SMYD3: variants seen among roughly 807,000 people sequenced by gnomAD.
SMYD3 encodes histone-lysine N-methyltransferase SMYD3.
In SMYD3, 36 loss-of-function variants were observed where a neutral mutation model predicts 57.7. The observed-to-expected ratio is 0.62, with a 90% CI of 0.48 to 0.82. The LOEUF is 0.82. SMYD3 is among the 40% of genes least tolerant of loss of function. The pLI, the probability that SMYD3 is intolerant of heterozygous loss-of-function variation, is 0.00. For missense variants in SMYD3, 515 were observed against 538.8 expected, an observed-to-expected ratio of 0.96 and a Z score of 0.44; for synonymous variants, 211 against 195.0, an observed-to-expected ratio of 1.08 and a Z score of -0.68.
chr1:245,786,145 C>G (rs1228924957), intron 10 of SMYD3, among the ~76,000 whole-genome samples: 1 of 118,298 alleles, frequency 8.5e-6, no homozygotes, highest in East Asian at 3.1e-4. Context: ...TACCTAAAAA[C>G]TTACCATGAT....
intron 1 of SMYD3, among the ~76,000 whole-genome samples, chr1:246,463,833 C>CAA (rs35826530): frequency 0.38 from 26,498 of 70,614 alleles, 5,217 homozygotes; most frequent in Middle Eastern, 0.48. Context: ...GACCCCGTCT[C>CAA]AAAAAAAAAA....
chr1:245,774,181 G>A (rs1480866939), intron 10 of SMYD3, among the ~76,000 whole-genome samples: 1 of 152,194 alleles, frequency 6.6e-6, no homozygotes, highest in Non-Finnish European at 1.5e-5. Flanking sequence ...CTGAACTGCT[G>A]GTCTGCTGGA....
chr1:245,984,455 G>T (rs898227137), intron 5 of SMYD3, among the ~76,000 whole-genome samples: 5 of 152,294 alleles, frequency 3.3e-5, no homozygotes, highest in African/African-American at 1.2e-4. Flanking sequence ...CTGTGCAAGG[G>T]CATGTGCACT....
chr1:246,378,726 T>TATATATAATTATATATAAA (rs58702520), intron 1 of SMYD3, among the ~76,000 whole-genome samples: 1 of 89,862 alleles, frequency 1.1e-5, no homozygotes, highest in African/African-American at 4.7e-5. Context: ...TATAATATAT[T>TATATATAATTATATATAAA]ATATATTATA....
intron 5 of SMYD3, among the ~76,000 whole-genome samples, chr1:246,269,245 C>G (rs745471831): frequency 2.4e-4 from 36 of 152,090 alleles, no homozygotes; most frequent in Non-Finnish European, 4.1e-4. Context: ...GTTAGTAGAT[C>G]GACTAACAAC....
intron 7 of SMYD3, among the ~76,000 whole-genome samples, chr1:245,921,230 A>G (rs1469486325): frequency 1.3e-5 from 2 of 152,170 alleles, no homozygotes; most frequent in African/African-American, 4.8e-5. Context: ...ACAACGAGAA[A>G]CCATCTTACA....
rs147554385 is a variant in SMYD3 at position 246,070,759 on chromosome 1, T to C, written c.532-140822A>G. 1.1e-3 allele frequency among the ~76,000 whole-genome samples: 171 copies of C among 152,346 alleles called. 2 individuals are homozygous for C. Among genetic ancestry groups the C allele is most frequent in the African/African-American group, 4.0e-3 (167 of 41,588 alleles). Reference sequence around the variant, plus strand: ...CAGTCCTACTGGAGGATGGTTTTAATGGCATGCACCTTTTATCGCCTGCAA... The same window carrying C: ...CAGTCCTACTGGAGGATGGTTTTAACGGCATGCACCTTTTATCGCCTGCAA... On this transcript the variant is annotated intron_variant, in intron 5 of 11. Coordinates refer to ENST00000490107, the MANE Select transcript of SMYD3 (RefSeq NM_001167740.2).
chr1:246,205,600 T>C (rs1326284159), intron 5 of SMYD3, among the ~76,000 whole-genome samples: 1 of 151,700 alleles, frequency 6.6e-6, no homozygotes, highest in East Asian at 1.9e-4. Context: ...GGCAGACAGA[T>C]CGTGAGGTCA....
At chr1:246,100,018 T>C (rs1206195974) in intron 5 of SMYD3, among the ~76,000 whole-genome samples, 1 of 152,206 alleles carries the variant, frequency 6.6e-6, no homozygotes, top group Non-Finnish European at 1.5e-5. Context: ...ATCTAATATA[T>C]TCACTCTTCT....
intron 1 of SMYD3, among the ~76,000 whole-genome samples, chr1:246,502,208 C>T (rs886522470): frequency 1.3e-5 from 2 of 151,472 alleles, no homozygotes; most frequent in Non-Finnish European, 2.9e-5. Flanking sequence ...GCGTGATCAC[C>T]ACTCACTGCA....
At chr1:245,997,999 A>G (rs1456225619) in intron 5 of SMYD3, among the ~76,000 whole-genome samples, 1 of 152,186 alleles carries the variant, frequency 6.6e-6, no homozygotes, top group Non-Finnish European at 1.5e-5. Flanking sequence ...GCTGGACAAT[A>G]ACACAGTCTG....
At chr1:246,430,414 T>G (rs1056971242) in intron 1 of SMYD3, among the ~76,000 whole-genome samples, 1 of 152,168 alleles carries the variant, frequency 6.6e-6, no homozygotes, top group Non-Finnish European at 1.5e-5. Flanking sequence ...ATCACAGTAG[T>G]AGAAATCAAG....
At chr1:246,373,190 T>G (rs1183203581) in intron 1 of SMYD3, among the ~76,000 whole-genome samples, 1 of 152,172 alleles carries the variant, frequency 6.6e-6, no homozygotes. Flanking sequence ...CCTCCTTTTA[T>G]TTTTTCCATT....
At chr1:246,082,497 T>C (rs1264110117) in intron 5 of SMYD3, among the ~76,000 whole-genome samples, 1 of 152,114 alleles carries the variant, frequency 6.6e-6, no homozygotes, top group Non-Finnish European at 1.5e-5. Flanking sequence ...CCTATGATTT[T>C]ATCCACAACC....
At chr1:245,978,823 C>T (rs2058520740) in intron 5 of SMYD3, among the ~76,000 whole-genome samples, 1 of 152,126 alleles carries the variant, frequency 6.6e-6, no homozygotes, top group Non-Finnish European at 1.5e-5. Context: ...TTGTTCCCTC[C>T]AACACTACGA....
At chr1:245,888,537 G>A (rs1180547465) in intron 8 of SMYD3, among the ~76,000 whole-genome samples, 2 of 152,108 alleles carry the variant, frequency 1.3e-5, no homozygotes, top group East Asian at 1.9e-4. Context: ...TTTCTGGGCC[G>A]GATTGTCCAG....
intron 5 of SMYD3, among the ~76,000 whole-genome samples, chr1:245,981,286 G>A (rs1452477248): frequency 6.6e-6 from 1 of 152,206 alleles, no homozygotes; most frequent in South Asian, 2.1e-4. Flanking sequence ...CCGAAGCTCT[G>A]CCCTTTTTGA....
intron 1 of SMYD3, among the ~76,000 whole-genome samples, chr1:246,453,824 G>A (rs1015490531): frequency 6.6e-6 from 1 of 152,158 alleles, no homozygotes; most frequent in Non-Finnish European, 1.5e-5. Context: ...ACCAGCCCAA[G>A]AGCACGGTCA....
At chr1:245,840,853 T>C (rs1257740253) in intron 10 of SMYD3, among the ~76,000 whole-genome samples, 1 of 152,040 alleles carries the variant, frequency 6.6e-6, no homozygotes, top group East Asian at 1.9e-4. Flanking sequence ...AAAAATGAGA[T>C]ATAAGGCCAA....
Sources: allele counts gnomAD v4.1 joint callset (sites outside exome capture counted in the v4.1 genomes callset), GRCh38; gene constraint gnomAD v4.1.1; transcripts MANE v1.5; gene names NCBI Gene and HGNC (gene_info 2026-07-23, HGNC 2026-07-21).